Variants in ARMC9 observed in about 807,000 individuals in gnomAD.
ARMC9 encodes lisH domain-containing protein ARMC9.
ARMC9 carries 94 observed loss-of-function variants against 107.0 expected under a neutral mutation model. The ratio of observed to expected loss-of-function variants is 0.88; its 90% confidence interval spans 0.74 to 1.04. ARMC9 has a LOEUF of 1.04. Among genes scored for constraint, ARMC9 ranks in the 50% least tolerant of loss-of-function variants. The pLI is 0.00. For synonymous variants in ARMC9, 380 were observed against 396.9 expected (o/e 0.96, Z 0.51); for missense variants, 942 against 1,030.1 (o/e 0.91, Z 1.17).
rs564939247 is a variant in ARMC9, at chr2:231,370,123, C to T, written c.2432C>T (p.Pro811Leu). Residue 811 changes from proline to leucine, a missense_variant and splice_region_variant, in exon 24 of 25, where the codon CCG becomes CTG. Coordinates refer to ENST00000611582, the MANE Select transcript of ARMC9 (RefSeq NM_001352754.2). ...GSTASSTRGL[P>L]SSQSHRK is the part of the protein sequence containing the mutation. ...ACAGCGTCCTCCACAAGGGGCCTGC[C>T]GAGTAAGTCAGCCTGGGCCCCACTG... The T allele has an allele frequency of 2.3e-5, 35 of 1,524,380 alleles. No homozygotes were observed. The highest frequency in any genetic ancestry group is 3.4e-4 in the Middle Eastern group (2 of 5,958). 94.4% of individuals were successfully genotyped at this position (1,524,380 alleles called of 1,614,324 possible). A position where few individuals can be genotyped will look rare whatever the true frequency, so the allele number is the denominator to read the frequency against.
chr2:231,240,740 A>G (rs528250302), intron 9 of ARMC9, among the ~76,000 whole-genome samples: 2 of 152,304 alleles, frequency 1.3e-5, no homozygotes, highest in African/African-American at 4.8e-5. Context: ...TTGAGTCAAT[A>G]ATGTCCTTCA....
At chr2:231,213,394 G>A (rs2033128744) in intron 3 of ARMC9, among the ~76,000 whole-genome samples, 1 of 151,524 alleles carries the variant, frequency 6.6e-6, no homozygotes, top group Non-Finnish European at 1.5e-5. Flanking sequence ...GAGCTCCTGG[G>A]CAAACGATCT....
intron 20 of ARMC9, among the ~76,000 whole-genome samples, chr2:231,337,929 A>G (rs2044243217): frequency 6.6e-6 from 1 of 152,208 alleles, no homozygotes; most frequent in Admixed American, 6.5e-5. Flanking sequence ...GGTAATCACT[A>G]TCTCTTGTTG....
At chr2:231,304,174 G>A (rs2041918805) in intron 19 of ARMC9, among the ~76,000 whole-genome samples, 1 of 152,054 alleles carries the variant, frequency 6.6e-6, no homozygotes, top group South Asian at 2.1e-4. Context: ...AGGTTGCAGT[G>A]AGCCGAGATC....
rs1175489841 is a variant in ARMC9 at position 231,360,051 on chromosome 2, G to A, written c.2132-703G>A. 1.3e-5 allele frequency among the ~76,000 whole-genome samples: 2 copies of A among 152,208 alleles called. No homozygotes were observed. Among genetic ancestry groups the A allele is most frequent in the Non-Finnish European group, 2.9e-5 (2 of 68,036 alleles). ...GACATGGACCCCTTCAGCTGTAGGA[G>A]AAGAGGAGAGGCGGGGTGGGGGAAG... On this transcript the variant is annotated intron_variant, in intron 22 of 24. Coordinates refer to ENST00000611582, the MANE Select transcript of ARMC9 (RefSeq NM_001352754.2). This position sits in a 1 kb window ranked among gnomAD's most constrained non-coding sequence, Gnocchi z 4.7.
chr2:231,239,904 T>C (rs1285535634), intron 8 of ARMC9, 39 bp from the exon 9 acceptor site: 1 of 1,573,546 alleles, frequency 6.4e-7, no homozygotes, highest in Non-Finnish European at 8.7e-7. Context: ...CTCAGTGAGT[T>C]TCATGCCATC....
chr2:231,325,911 A>G (rs1387849857), intron 19 of ARMC9, among the ~76,000 whole-genome samples: 1 of 152,192 alleles, frequency 6.6e-6, no homozygotes, highest in African/African-American at 2.4e-5. Context: ...ATGAGTCCCA[A>G]CTAGAGCTTA....
intron 1 of ARMC9, among the ~76,000 whole-genome samples, chr2:231,204,949 G>A (rs1004154663): frequency 6.6e-6 from 1 of 152,148 alleles, no homozygotes; most frequent in Admixed American, 6.5e-5. Flanking sequence ...TCTGGAGGGC[G>A]CTGGAACCAC....
chr2:231,284,772 TG>T (rs1475633058), intron 17 of ARMC9, among the ~76,000 whole-genome samples: 2 of 152,236 alleles, frequency 1.3e-5, no homozygotes, highest in Non-Finnish European at 1.5e-5. Flanking sequence ...GTGGAATCAC[TG>T]GGGCCACCTT....
chr2:231,370,261 C>G, intron 24 of ARMC9, 136 bp downstream of exon 24: 1 of 1,025,762 alleles, frequency 9.7e-7, no homozygotes, highest in Non-Finnish European at 1.3e-6. Context: ...GGCCTGCTTC[C>G]CTTCCCCACA....
At chr2:231,303,015 TA>T (rs1451925445) in intron 19 of ARMC9, among the ~76,000 whole-genome samples, 1 of 152,186 alleles carries the variant, frequency 6.6e-6, no homozygotes, top group Non-Finnish European at 1.5e-5. Flanking sequence ...AAAAAATAAA[TA>T]AATAAGTAAA....
chr2:231,359,082 G>GTTCTTTT (rs767321498), intron 22 of ARMC9, among the ~76,000 whole-genome samples: 2,392 of 117,654 alleles, frequency 0.02, 291 homozygotes, highest in African/African-American at 0.079. Flanking sequence ...GGGGTCTCCT[G>GTTCTTTT]TTTTTTTTTT....
At position 231,206,344 on chromosome 2, in the gene ARMC9, G is replaced by C. The variant is rs555508528; in HGVS notation, c.51+55G>C. On this transcript the variant is annotated intron_variant, in intron 2 of 24. Transcript: ENST00000611582. The stretch of plus-strand genomic sequence containing the variant: ...AGAGAAACAGATCTTGAAAACTTGT[G>C]TTTTAAAATGCAACAAACTATTTAG... 970 of 1,468,876 alleles carry C rather than the reference G, an allele frequency of 6.6e-4. 4 individuals carry two copies. The highest frequency in any genetic ancestry group is 4.7e-3 in the Middle Eastern group (27 of 5,748). The allele number at this position is 1,468,876 out of a possible 1,614,324, so 91.0% of individuals were successfully genotyped here. A position where few individuals can be genotyped will look rare whatever the true frequency, so the allele number is the denominator to read the frequency against.
chr2:231,278,609 C>A, intron 16 of ARMC9, 151 bp downstream of exon 16: 1 of 661,912 alleles, frequency 1.5e-6, no homozygotes, highest in Non-Finnish European at 2.5e-6. Context: ...TCATAAGCAA[C>A]TGGAAATCTT....
chr2:231,240,817 C>T lies in ARMC9; in HGVS notation c.879+776C>T, dbSNP rs576552505. Among the ~76,000 whole-genome samples, 46 of 152,306 alleles carry T rather than the reference C, an allele frequency of 3.0e-4. No individual in the cohort carries two copies. The South Asian group carries it at 9.3e-3, about 31-fold the overall frequency. ...ATTGAGTTGGCACAGCTCTTAGCCT[C>T]TTCTAATCTTGAACATTTCCTCAGC... On this transcript the variant is annotated intron_variant, in intron 9 of 24. Transcript: ENST00000611582.
intron 18 of ARMC9, chr2:231,295,505 G>A (rs1440457500): frequency 6.6e-6 from 1 of 152,346 alleles, no homozygotes; most frequent in East Asian, 1.9e-4. Flanking sequence ...CTTCCCTTGT[G>A]GTGTATTGTG....
chr2:231,257,621 A>G (rs1391187541), intron 10 of ARMC9, among the ~76,000 whole-genome samples: 2 of 151,918 alleles, frequency 1.3e-5, no homozygotes, highest in African/African-American at 2.4e-5. Flanking sequence ...CACCCCTGCT[A>G]CCCTCCCTGT....
chr2:231,317,193 C>T (rs1868928), intron 19 of ARMC9, among the ~76,000 whole-genome samples: 17,568 of 150,216 alleles, frequency 0.12, 2,148 homozygotes, highest in East Asian at 0.31. Flanking sequence ...TTTTTTGAGA[C>T]GGAGTCTCAT....
Position 231,216,681 on chromosome 2 carries a change from A to G in ARMC9, c.392A>G (p.Tyr131Cys). The change falls in exon 5 of 25, where the codon TAC (tyrosine) becomes TGC (cysteine). Residue 131 changes from tyrosine (Y) to cysteine (C), a missense_variant. Tyr to Cys is a radical substitution (Grantham distance 194, BLOSUM62 -2). Transcript: ENST00000611582. The stretch of plus-strand genomic sequence containing the variant: ...GAAAAGATTTCCTACTTCAAAACCT[A>G]CCTGGAGACCAAAGGGGCAGCCTTG... Reference protein sequence around the residue: ...LDEKISYFKTYLETKGAALSQ... With the variant: ...LDEKISYFKTCLETKGAALSQ... The G allele has an allele frequency of 6.2e-7, 1 of 1,613,934 alleles. No individual in the cohort carries two copies. Among genetic ancestry groups the G allele is most frequent in the Non-Finnish European group, 8.5e-7 (1 of 1,179,868 alleles).
Sources: gnomAD v4.1 joint callset for allele counts (sites outside exome capture counted in the v4.1 genomes callset) on GRCh38, gnomAD v4.1.1 for gene constraint, Gnocchi (gnomAD v3.1) non-coding constraint, MANE v1.5 for transcripts, NCBI Gene and HGNC (gene_info 2026-07-23, HGNC 2026-07-21) for gene names.